Variants in ACACA observed in about 807,000 individuals in gnomAD.
ACACA encodes the protein acetyl-CoA carboxylase alpha.
ACACA carries 103 observed loss-of-function variants against 296.1 expected under a neutral mutation model. That is an observed-to-expected ratio of 0.35 (90% confidence interval 0.30 to 0.41). The LOEUF is 0.41. ACACA is among the 10% of genes least tolerant of loss of function. The pLI is 1.00. For synonymous variants in ACACA, 953 were observed against 1,038.6 expected (o/e 0.92, Z 1.58); for missense variants, 1,554 against 2,989.7 (o/e 0.52, Z 11.20).
chr17:37,207,898 G>T, intron 30 of ACACA, 98 bp from the exon 31 acceptor site: 1 of 1,428,864 alleles, frequency 7.0e-7, no homozygotes, highest in Non-Finnish European at 9.9e-7. Context: ...AAACTCTGAA[G>T]TAGGGTCAGG....
Position 37,330,154 on chromosome 17 carries a change from C to T in ACACA, c.338+19G>A. 6.2e-7 allele frequency: 1 copy of T among 1,613,752 alleles called. No individual in the cohort carries two copies. Among genetic ancestry groups the T allele is most frequent in the Non-Finnish European group, 8.5e-7 (1 of 1,179,820 alleles). ...TAACAAGACAGATTAAATAAGTAGA[C>T]CATTGAACTCTCTCTTACCTTATGT... is the stretch of plus-strand genomic sequence containing the variant. On this transcript the variant is annotated intron_variant, in intron 3 of 55. Coordinates refer to ENST00000616317, the MANE Select transcript of ACACA (RefSeq NM_198834.3).
intron 1 of ACACA, among the ~76,000 whole-genome samples, chr17:37,359,735 C>T (rs2049328471): frequency 6.6e-6 from 1 of 152,186 alleles, no homozygotes; most frequent in African/African-American, 2.4e-5. Flanking sequence ...ATCGCGTCCA[C>T]TACCTGTCCT....
chr17:37,347,937 C>G (rs940985999), intron 1 of ACACA, among the ~76,000 whole-genome samples: 3 of 151,884 alleles, frequency 2.0e-5, no homozygotes, highest in African/African-American at 7.3e-5. Flanking sequence ...TTTGGGAGGG[C>G]AAGGTGGGAG....
At chr17:37,381,161 T>C (rs1256978443) in intron 1 of ACACA, among the ~76,000 whole-genome samples, 1 of 151,974 alleles carries the variant, frequency 6.6e-6, no homozygotes, top group Admixed American at 6.6e-5. Context: ...TTTTGTTTTT[T>C]GTTGTTATTG....
At position 37,312,183 on chromosome 17, in the gene ACACA, A is replaced by C. The variant is rs553412755; in HGVS notation, c.338+17990T>G. 2.1e-3 allele frequency among the ~76,000 whole-genome samples: 324 copies of C among 152,312 alleles called. 1 individual carries two copies. Among genetic ancestry groups the C allele is most frequent in the Non-Finnish European group, 3.8e-3 (257 of 68,032 alleles). ...GTAAGGATACATGACAAAGAGAGAC[A>C]CAGGAAAAGAGACTGAGACACAAAT... On this transcript the variant is annotated intron_variant, in intron 3 of 55. Coordinates refer to ENST00000616317, the MANE Select transcript of ACACA (RefSeq NM_198834.3).
intron 27 of ACACA, among the ~76,000 whole-genome samples, chr17:37,224,758 T>C (rs1165545064): frequency 1.3e-5 from 2 of 152,012 alleles, no homozygotes; most frequent in African/African-American, 4.8e-5. Flanking sequence ...AGGACACTTC[T>C]ATCAAGGCAG....
chr17:37,376,190 G>C (rs752564406), intron 1 of ACACA: 10 of 1,543,328 alleles, frequency 6.5e-6, no homozygotes, highest in South Asian at 1.1e-5. Flanking sequence ...AAAATACAGA[G>C]AGAGGCCTAG....
chr17:37,231,940 C>T (rs75452662), intron 25 of ACACA, among the ~76,000 whole-genome samples: 3,887 of 152,248 alleles, frequency 0.026, 124 homozygotes, highest in African/African-American at 0.074. Flanking sequence ...AATAAATGTA[C>T]TATTGGTCTT....
intron 38 of ACACA, among the ~76,000 whole-genome samples, chr17:37,188,882 T>C (rs1488421914): frequency 6.6e-6 from 1 of 152,242 alleles, no homozygotes; most frequent in African/African-American, 2.4e-5. Flanking sequence ...ATGGTAACTA[T>C]GTTTCACTGC....
At chr17:37,193,095 C>T (rs1426390719) in intron 36 of ACACA, among the ~76,000 whole-genome samples, 1 of 152,080 alleles carries the variant, frequency 6.6e-6, no homozygotes, top group Non-Finnish European at 1.5e-5. Context: ...CAAGAATGGT[C>T]CTTTAATATC....
At chr17:37,105,188 C>T (rs76959323) in intron 52 of ACACA, among the ~76,000 whole-genome samples, 5 of 152,084 alleles carry the variant, frequency 3.3e-5, no homozygotes, top group Non-Finnish European at 5.9e-5. Flanking sequence ...AGGCTCTAGG[C>T]GACCTTGTAG....
intron 35 of ACACA, among the ~76,000 whole-genome samples, chr17:37,197,558 T>C (rs553473299): frequency 1.3e-5 from 2 of 152,264 alleles, no homozygotes; most frequent in South Asian, 4.2e-4. Flanking sequence ...ACACTAACTA[T>C]GGGGCAAGCA....
intron 34 of ACACA, 62 bp downstream of exon 34, chr17:37,200,365 T>C (rs1423159778): frequency 1.3e-6 from 2 of 1,500,394 alleles, no homozygotes; most frequent in African/African-American, 2.8e-5. Context: ...ACAATCCCAT[T>C]TTTATTAAGT....
At chr17:37,331,555 C>G (rs911286024) in intron 2 of ACACA, among the ~76,000 whole-genome samples, 2 of 151,880 alleles carry the variant, frequency 1.3e-5, no homozygotes, top group Admixed American at 6.6e-5. Flanking sequence ...TTACAGGTAC[C>G]CACCACCATG....
At chr17:37,186,119 T>C (rs1253517366) in intron 39 of ACACA, among the ~76,000 whole-genome samples, 2 of 152,238 alleles carry the variant, frequency 1.3e-5, no homozygotes, top group Non-Finnish European at 1.5e-5. Flanking sequence ...TACTCAACTA[T>C]CTATGTTAGT....
intron 3 of ACACA, among the ~76,000 whole-genome samples, chr17:37,329,249 A>G (rs570410894): frequency 6.6e-6 from 1 of 152,220 alleles, no homozygotes; most frequent in Non-Finnish European, 1.5e-5. Context: ...AAGTCCTATC[A>G]ATCATCAAGA....
intron 1 of ACACA, among the ~76,000 whole-genome samples, chr17:37,374,309 G>A (rs1436186188): frequency 4.8e-5 from 7 of 146,050 alleles, no homozygotes; most frequent in East Asian, 2.0e-4. Context: ...TTTTTGAGAC[G>A]GAGTTTCGCT....
At chr17:37,216,181 TAC>T (rs1555600618) in intron 29 of ACACA, among the ~76,000 whole-genome samples, 1,430 of 122,930 alleles carry the variant, frequency 0.012, 26 homozygotes, top group African/African-American at 0.052. Flanking sequence ...TACATATACA[TAC>T]ACACACGTGT....
intron 3 of ACACA, among the ~76,000 whole-genome samples, chr17:37,327,395 A>G (rs2047670552): frequency 6.6e-6 from 1 of 152,234 alleles, no homozygotes; most frequent in African/African-American, 2.4e-5. Context: ...ATTTTAGAAC[A>G]TTAGCTAGCT....
Sources: gnomAD v4.1 joint callset for allele counts (sites outside exome capture counted in the v4.1 genomes callset) on GRCh38, gnomAD v4.1.1 for gene constraint, MANE v1.5 for transcripts, NCBI Gene and HGNC (gene_info 2026-07-23, HGNC 2026-07-21) for gene names.